The following BDP1 variants were observed in gnomAD, a reference collection of about 807,000 sequenced individuals.
BDP1 encodes BDP1 general transcription factor IIIB subunit, also known as transcription factor TFIIIB component B'' homolog.
In BDP1, 169 loss-of-function variants were observed where a neutral mutation model predicts 266.6. That is an observed-to-expected ratio of 0.63 (90% confidence interval 0.56 to 0.72). The LOEUF is 0.72. BDP1 is among the 30% of genes least tolerant of loss of function. The probability of loss-of-function intolerance (pLI) is 0.00; values close to 1 mark genes in which losing one functional copy is unlikely to be tolerated. For missense variants in BDP1, 3,015 were observed against 3,053.8 expected, an observed-to-expected ratio of 0.99 and a Z score of 0.30; for synonymous variants, 1,090 against 1,022.4, an observed-to-expected ratio of 1.07 and a Z score of -1.26.
rs376062217 is a variant in BDP1 at position 71,509,469 on chromosome 5, C to G, written c.2377C>G (p.Gln793Glu). ...TGCCCCCTTTTTTTTTTATAGCGTT[C>G]AAGAGAATAATAAGGCAAATAAACT... ...PKVLNECLSV[Q>E]ENNKANKLNQ... The change falls in exon 17 of 39, where the codon CAA (glutamine) becomes GAA (glutamate). Residue 793 changes from glutamine to glutamate, a missense_variant. By Grantham distance (29) the Gln-to-Glu change is conservative. This residue lies in a region of BDP1 where 2,383 missense variants were observed against 2,404.9 expected (regional missense o/e 0.99). Coordinates refer to ENST00000358731, the MANE Select transcript of BDP1 (RefSeq NM_018429.3). 72 of 1,565,938 alleles carry G rather than the reference C, an allele frequency of 4.6e-5. No individual in the cohort carries two copies. Among genetic ancestry groups the G allele is most frequent in the Non-Finnish European group, 6.2e-5 (72 of 1,164,184 alleles).
At chr5:71,466,345 A>G (rs1761902456) in intron 5 of BDP1, 124 bp downstream of exon 5, 1 of 1,019,004 alleles carries the variant, frequency 9.8e-7, no homozygotes, top group Non-Finnish European at 1.4e-6. Flanking sequence ...TTATTTGCAT[A>G]ATGAATATTG....
intron 37 of BDP1, among the ~76,000 whole-genome samples, chr5:71,561,039 C>T (rs1743611357): frequency 6.6e-6 from 1 of 151,820 alleles, no homozygotes; most frequent in Non-Finnish European, 1.5e-5. Flanking sequence ...TTGCAGTGAG[C>T]TATGATTGTG....
rs761173169 is a variant in BDP1 at position 71,522,524 on chromosome 5, T to C, written c.5193+34T>C. 1.2e-5 allele frequency: 18 copies of C among 1,465,834 alleles called. No homozygotes were observed. In the East Asian group the frequency reaches 4.1e-4, roughly 33 times the overall value. The allele number at this position is 1,465,834 out of a possible 1,614,324, so 90.8% of individuals were successfully genotyped here. On this transcript the variant is annotated intron_variant, in intron 23 of 38. Transcript: ENST00000358731. The stretch of plus-strand genomic sequence containing the variant: ...GGGCAAAAAAAAAAAAAAAATTTTT[T>C]TTCTCAATGAGGTCTGTTTTGTCAA...
chr5:71,560,489 A>C (rs1743564534), intron 37 of BDP1, among the ~76,000 whole-genome samples: 1 of 152,148 alleles, frequency 6.6e-6, no homozygotes, highest in African/African-American at 2.4e-5. Context: ...TTATTTTTTT[A>C]GATTATCCAT....
chr5:71,495,002 T>C, intron 11 of BDP1: 1 of 266,850 alleles, frequency 3.7e-6, no homozygotes, highest in East Asian at 6.7e-5. Context: ...CCGGCCTTCA[T>C]TTTGAAACTT....
chr5:71,548,531 A>G, intron 32 of BDP1, 151 bp from the exon 33 acceptor site: 1 of 541,886 alleles, frequency 1.8e-6, no homozygotes, highest in Non-Finnish European at 3.3e-6. Flanking sequence ...TCAAAAGTTT[A>G]TTGGAACAGC....
In BDP1 at chr5:71,501,572, A is replaced by C; in HGVS notation, c.1967A>C (p.Glu656Ala). Reference sequence around the variant, plus strand: ...AAATTAAATTCACAGAACCACGTGGAAAAAGATAAAATGAATACATTGGAC... The same window carrying C: ...AAATTAAATTCACAGAACCACGTGGCAAAAGATAAAATGAATACATTGGAC... The part of the protein sequence containing the change: ...SKTSVEKNHV[E>A]KDKMNTLDIL... The change falls in exon 14 of 39, where the codon GAA (glutamate) becomes GCA (alanine). Residue 656 changes from glutamate (E) to alanine (A), a missense_variant. Transcript: ENST00000358731. The C allele has an allele frequency of 6.3e-7, 1 of 1,590,496 alleles. No homozygotes were observed. Among genetic ancestry groups the C allele is most frequent in the African/African-American group, 1.3e-5 (1 of 74,400 alleles).
rs1313597971 is a variant in BDP1, at chr5:71,516,077, A to G, written c.4666A>G (p.Thr1556Ala). The G allele has an allele frequency of 6.2e-7, 1 of 1,606,716 alleles. No homozygotes were observed. Among genetic ancestry groups the G allele is most frequent in the Admixed American group, 1.7e-5 (1 of 59,364 alleles). ...VVSVGTNNVN[T>A]FQQEMKESVI... ...CTTGTTTAGGACTAATAATGTAAAC[A>G]CTTTCCAGCAAGAAATGAAGGAAAG... Residue 1556 changes from threonine (T) to alanine (A), a missense_variant, in exon 21 of 39, where the codon ACT becomes GCT. Physicochemically the swap from Thr to Ala is moderately conservative, Grantham distance 58. Coordinates refer to ENST00000358731, the MANE Select transcript of BDP1 (RefSeq NM_018429.3).
intron 35 of BDP1, among the ~76,000 whole-genome samples, chr5:71,555,107 G>A (rs1212967268): frequency 6.6e-6 from 1 of 152,170 alleles, no homozygotes; most frequent in Non-Finnish European, 1.5e-5. Flanking sequence ...AGATTTATCA[G>A]TCTTTTTGTG....
At chr5:71,514,875 A>T in intron 19 of BDP1, 69 bp from the exon 20 acceptor site, 1 of 1,122,054 alleles carries the variant, frequency 8.9e-7, no homozygotes, top group Non-Finnish European at 1.3e-6. Flanking sequence ...ATATCAGTTT[A>T]TACTTGTAAA....
At chr5:71,484,015 G>C (rs1561692978) in intron 8 of BDP1, 119 bp downstream of exon 8, 1 of 775,914 alleles carries the variant, frequency 1.3e-6, no homozygotes, top group East Asian at 2.7e-5. Context: ...GCATTAAGAG[G>C]AAGCAGTCTG....
chr5:71,553,263 T>G lies in BDP1; in HGVS notation c.7143T>G (p.Pro2381=). 1 of 1,613,202 alleles carries G rather than the reference T, an allele frequency of 6.2e-7. No individual in the cohort carries two copies. Among genetic ancestry groups the G allele is most frequent in the Non-Finnish European group, 8.5e-7 (1 of 1,179,922 alleles). The change falls in exon 35 of 39, where the codon CCT becomes CCG. Residue 2381 remains proline (P), a synonymous_variant. Coordinates refer to ENST00000358731, the MANE Select transcript of BDP1 (RefSeq NM_018429.3). ...QCRLDKNDHI[P]PAKKRSLTLR... is the part of the protein sequence containing the mutation. The stretch of plus-strand genomic sequence containing the variant: ...GGCTTGATAAAAATGACCACATTCC[T>G]CCTGCCAAAAAACGTTCACTCACTT...
At chr5:71,462,605 T>C (rs2150349277) in intron 3 of BDP1, among the ~76,000 whole-genome samples, 2 of 151,676 alleles carry the variant, frequency 1.3e-5, no homozygotes, top group Middle Eastern at 6.8e-3. Context: ...AGTACAAAAA[T>C]TAGCCAGGCA....
Position 71,492,341 on chromosome 5 carries a change from A to G in BDP1, c.1640+1210A>G, listed in dbSNP as rs189306716. On this transcript the variant is annotated intron_variant, in intron 11 of 38. Transcript: ENST00000358731. ...TACTGTTTCCAATAGCGGGTACACC[A>G]TTTTACATAACCACCAACAATGTAC... Among the ~76,000 whole-genome samples the G allele has an allele frequency of 1.8e-4, 28 of 152,278 alleles. No individual in the cohort carries two copies. The East Asian group carries it at 4.6e-3, about 25-fold the overall frequency.
chr5:71,466,086 TA>T lies in BDP1; in HGVS notation c.660-9del. The T allele has an allele frequency of 3.7e-6, 6 of 1,611,744 alleles. No homozygotes were observed. Among genetic ancestry groups the T allele is most frequent in the Non-Finnish European group, 5.1e-6 (6 of 1,179,100 alleles). Reference sequence around the variant, plus strand: ...GCCTTTGTGAATTAACTTATCTTTATATGTGGTAGGCAAGAAGGTAAGAGTA... The same window carrying T: ...GCCTTTGTGAATTAACTTATCTTTATTGTGGTAGGCAAGAAGGTAAGAGTA... On this transcript the variant is annotated splice_polypyrimidine_tract_variant and intron_variant, in intron 4 of 38. Coordinates refer to ENST00000358731, the MANE Select transcript of BDP1 (RefSeq NM_018429.3).
In BDP1 at chr5:71,465,612, G is replaced by A. The variant is rs143508739; in HGVS notation, c.660-484G>A. On this transcript the variant is annotated intron_variant, in intron 4 of 38. Coordinates refer to ENST00000358731, the MANE Select transcript of BDP1 (RefSeq NM_018429.3). ...GTAAAGACTGCTTGGGCCAGGCACG[G>A]TGGCTCACGCCTGTAATCCCGGCAC... Among the ~76,000 whole-genome samples, 367 of 152,302 alleles carry A rather than the reference G, an allele frequency of 2.4e-3. 2 individuals are homozygous for A. Among genetic ancestry groups the A allele is most frequent in the African/African-American group, 8.5e-3 (353 of 41,572 alleles).
chr5:71,513,556 C>T, intron 19 of BDP1, 149 bp downstream of exon 19: 1 of 616,618 alleles, frequency 1.6e-6, no homozygotes, highest in Non-Finnish European at 2.8e-6. Context: ...CTTAATGTGC[C>T]TCATTGTTCC....
chr5:71,568,717 C>T (rs544433017), downstream of BDP1, among the ~76,000 whole-genome samples: 1 of 152,344 alleles, frequency 6.6e-6, no homozygotes, highest in East Asian at 1.9e-4. Context: ...ACCTCCCAAC[C>T]TCTTATATAT....
chr5:71,564,934 A>G lies in BDP1; in HGVS notation c.*49A>G. 6.6e-7 allele frequency: 1 copy of G among 1,512,300 alleles called. No homozygotes were observed. Among genetic ancestry groups the G allele is most frequent in the Non-Finnish European group, 8.9e-7 (1 of 1,118,930 alleles). The allele number at this position is 1,512,300 out of a possible 1,614,324, so 93.7% of individuals were successfully genotyped here. On this transcript the variant is annotated 3_prime_UTR_variant, in exon 39 of 39. Coordinates refer to ENST00000358731, the MANE Select transcript of BDP1 (RefSeq NM_018429.3). The stretch of plus-strand genomic sequence containing the variant: ...TTTAAATTAGGTCTAGGATTTCCAG[A>G]GTCAATTACATCAACAAAACAGTAT...
Sources: allele counts gnomAD v4.1 joint callset (sites outside exome capture counted in the v4.1 genomes callset), GRCh38; gene constraint gnomAD v4.1.1; regional missense constraint gnomAD v4.1.1; transcripts MANE v1.5; gene names NCBI Gene and HGNC (gene_info 2026-07-23, HGNC 2026-07-21).